The following PTPN2 variants were observed in gnomAD, a reference collection of about 807,000 sequenced individuals.
PTPN2 encodes the protein tyrosine-protein phosphatase non-receptor type 2.
In PTPN2, 19 loss-of-function variants were observed where a neutral mutation model predicts 57.3. The observed-to-expected ratio is 0.33, with a 90% CI of 0.23 to 0.49. The LOEUF (loss-of-function observed/expected upper bound fraction) is 0.49. PTPN2 is among the 20% of genes least tolerant of loss of function. The pLI is 0.99. For missense variants in PTPN2, 358 were observed against 501.1 expected, an observed-to-expected ratio of 0.71 and a Z score of 2.73; for synonymous variants, 153 against 164.9, an observed-to-expected ratio of 0.93 and a Z score of 0.55.
At chr18:12,846,841 C>T (rs2043225799) in intron 2 of PTPN2, among the ~76,000 whole-genome samples, 1 of 152,142 alleles carries the variant, frequency 6.6e-6, no homozygotes, top group African/African-American at 2.4e-5. Context: ...TGCATTCATA[C>T]CTGGATACAG....
At chr18:12,873,291 C>T (rs2044335192) in intron 1 of PTPN2, among the ~76,000 whole-genome samples, 1 of 147,144 alleles carries the variant, frequency 6.8e-6, no homozygotes, top group Non-Finnish European at 1.5e-5. Context: ...TCCGTCTCCC[C>T]ACGGTCTCCC....
At chr18:12,794,828 G>A (rs2041108581) in intron 8 of PTPN2, among the ~76,000 whole-genome samples, 1 of 152,054 alleles carries the variant, frequency 6.6e-6, no homozygotes, top group African/African-American at 2.4e-5. Flanking sequence ...TTGCCATGTT[G>A]GCCAGGCTGG....
At chr18:12,880,081 G>A (rs960449554) in intron 1 of PTPN2, among the ~76,000 whole-genome samples, 1 of 152,220 alleles carries the variant, frequency 6.6e-6, no homozygotes, top group Non-Finnish European at 1.5e-5. Flanking sequence ...CGCAACAGGG[G>A]CTCATACCCA....
intron 1 of PTPN2, among the ~76,000 whole-genome samples, chr18:12,864,553 G>A (rs748560813): frequency 4.7e-4 from 72 of 151,826 alleles, no homozygotes; most frequent in Non-Finnish European, 8.1e-4. Context: ...CCGCCACCAC[G>A]CCCGGCTAAT....
Position 12,876,026 on chromosome 18 carries a change from G to T in PTPN2, c.69+8047C>A, listed in dbSNP as rs528178292. On this transcript the variant is annotated intron_variant, in intron 1 of 8. Coordinates refer to ENST00000309660, the MANE Select transcript of PTPN2 (RefSeq NM_002828.4). Reference sequence around the variant, plus strand: ...AGTTCGAGACCAGTCTGGACAACATGGTGAGAACCTGTCTCTACAAAACAT... The same window carrying T: ...AGTTCGAGACCAGTCTGGACAACATTGTGAGAACCTGTCTCTACAAAACAT... Among the ~76,000 whole-genome samples the T allele has an allele frequency of 9.2e-5, 14 of 152,220 alleles. No individual in the cohort carries two copies. In the South Asian group the frequency reaches 2.7e-3, roughly 29 times the overall value.
At chr18:12,861,164 A>T (rs889300805) in intron 1 of PTPN2, among the ~76,000 whole-genome samples, 2 of 152,176 alleles carry the variant, frequency 1.3e-5, no homozygotes, top group Admixed American at 1.3e-4. Flanking sequence ...TTTATTTATG[A>T]AACATGATGC....
intron 3 of PTPN2, among the ~76,000 whole-genome samples, chr18:12,833,243 T>C (rs930019415): frequency 4.6e-5 from 7 of 152,192 alleles, no homozygotes; most frequent in African/African-American, 1.7e-4. Flanking sequence ...AAGAAAAAGA[T>C]GACTGAAGTA....
intron 5 of PTPN2, among the ~76,000 whole-genome samples, chr18:12,823,862 A>G (rs1175557188): frequency 1.3e-5 from 2 of 152,200 alleles, no homozygotes; most frequent in African/African-American, 4.8e-5. Flanking sequence ...TATATATGTG[A>G]AAGCATTTTG....
At chr18:12,884,029 G>A in intron 1 of PTPN2, 44 bp downstream of exon 1, 3 of 1,516,394 alleles carry the variant, frequency 2.0e-6, no homozygotes, top group South Asian at 2.4e-5. Flanking sequence ...ACGAGTCCGG[G>A]TCTCGGAGGA....
At chr18:12,834,129 C>T (rs1230381901) in intron 3 of PTPN2, among the ~76,000 whole-genome samples, 1 of 152,122 alleles carries the variant, frequency 6.6e-6, no homozygotes, top group African/African-American at 2.4e-5. Context: ...GAGTTTGAGA[C>T]CAGCCTGAGC....
chr18:12,874,557 G>C (rs1381481983), intron 1 of PTPN2, among the ~76,000 whole-genome samples: 1 of 104,968 alleles, frequency 9.5e-6, no homozygotes. Context: ...CTCCCCGCCC[G>C]GCCAGCCGCC....
chr18:12,876,276 G>C (rs1337488086), intron 1 of PTPN2, among the ~76,000 whole-genome samples: 1 of 79,746 alleles, frequency 1.3e-5, no homozygotes, highest in African/African-American at 5.6e-5. Flanking sequence ...GACCAGCCTG[G>C]CCAACAAGAA....
intron 8 of PTPN2, among the ~76,000 whole-genome samples, chr18:12,801,139 G>T (rs540978149): frequency 2.0e-5 from 3 of 152,266 alleles, no homozygotes; most frequent in African/African-American, 7.2e-5. Flanking sequence ...TTTTTGAACT[G>T]GTTTCTAAGT....
intron 7 of PTPN2, among the ~76,000 whole-genome samples, chr18:12,813,684 T>G (rs773223536): frequency 6.6e-6 from 1 of 152,230 alleles, no homozygotes; most frequent in Non-Finnish European, 1.5e-5. Flanking sequence ...TTTTACATTT[T>G]AACTTAGTAC....
At chr18:12,807,584 A>AAAAAAAT (rs1568092988) in intron 7 of PTPN2, among the ~76,000 whole-genome samples, 1 of 55,008 alleles carries the variant, frequency 1.8e-5, no homozygotes. Flanking sequence ...AAAAAAAAAA[A>AAAAAAAT]AAATATATAT....
At chr18:12,825,367 G>A (rs1232215704) in intron 5 of PTPN2, among the ~76,000 whole-genome samples, 1 of 152,124 alleles carries the variant, frequency 6.6e-6, no homozygotes, top group Non-Finnish European at 1.5e-5. Flanking sequence ...ACTAAGGTCA[G>A]GTGCTCTGCA....
chr18:12,874,241 G>A (rs1382470777), intron 1 of PTPN2, among the ~76,000 whole-genome samples: 13 of 148,594 alleles, frequency 8.7e-5, no homozygotes, highest in African/African-American at 2.5e-4. Flanking sequence ...CGCCCCGTCC[G>A]GGAGGGAGGT....
chr18:12,854,360 G>GAAGAA (rs2043505620), intron 2 of PTPN2, among the ~76,000 whole-genome samples: 1 of 119,278 alleles, frequency 8.4e-6, no homozygotes, highest in Non-Finnish European at 1.6e-5. Flanking sequence ...ACCCTGTCTT[G>GAAGAA]AAAAAAAAAA....
At chr18:12,833,727 C>T (rs2042751560) in intron 3 of PTPN2, among the ~76,000 whole-genome samples, 1 of 152,132 alleles carries the variant, frequency 6.6e-6, no homozygotes. Flanking sequence ...TAAAAAGCTG[C>T]TGCAACAGGA....
Sources: gnomAD v4.1 joint callset for allele counts (sites outside exome capture counted in the v4.1 genomes callset) on GRCh38, gnomAD v4.1.1 for gene constraint, MANE v1.5 for transcripts, NCBI Gene and HGNC (gene_info 2026-07-23, HGNC 2026-07-21) for gene names.